Variants in MYOG observed in about 807,000 individuals in gnomAD.
MYOG encodes class C basic helix-loop-helix protein 3.
Under a neutral mutation model 17.7 loss-of-function variants are expected in MYOG, and 6 were observed. That is an observed-to-expected ratio of 0.34 (90% CI 0.19 to 0.67). MYOG has a LOEUF of 0.67. MYOG is among the 30% of genes least tolerant of loss of function. The pLI, the probability that MYOG is intolerant of heterozygous loss-of-function variation, is 0.69. For missense variants in MYOG, 272 were observed against 302.0 expected (o/e 0.90, Z 0.74); for synonymous variants, 125 against 130.2 (o/e 0.96, Z 0.27).
intron 1 of MYOG, 122 bp from the exon 2 acceptor site, chr1:203,084,850 C>T: frequency 1.0e-6 from 1 of 981,700 alleles, no homozygotes; most frequent in Non-Finnish European, 1.5e-6. Flanking sequence ...AGGCTGTGGC[C>T]TTCCAGCCCA....
rs544066119 is a variant in MYOG, at chr1:203,083,813, T to G, written c.*97A>C. ...GCACCCCAGAGCTGGCTTCCTAGCATCAGGGCAGCCTGGCTTAGGAGGCCC... is the reference window on the plus strand; with the variant it reads ...GCACCCCAGAGCTGGCTTCCTAGCAGCAGGGCAGCCTGGCTTAGGAGGCCC... On this transcript the variant is annotated 3_prime_UTR_variant, in exon 3 of 3. Transcript: ENST00000241651. 8.1e-5 allele frequency: 123 copies of G among 1,521,442 alleles called. No homozygotes were observed. The highest frequency in any genetic ancestry group is 1.0e-4 in the Non-Finnish European group (116 of 1,126,992). The allele number at this position is 1,521,442 out of a possible 1,614,324, so 94.2% of individuals were successfully genotyped here.
chr1:203,083,799 C>T lies in MYOG; in HGVS notation c.*111G>A. On this transcript the variant is annotated 3_prime_UTR_variant, in exon 3 of 3. Transcript: ENST00000241651. ...TAGTCTGGCCTATGGCACCCCAGAG[C>T]TGGCTTCCTAGCATCAGGGCAGCCT... 1 of 1,487,942 alleles carries T rather than the reference C, an allele frequency of 6.7e-7. No homozygotes were observed. The highest frequency in any genetic ancestry group is 9.1e-7 in the Non-Finnish European group (1 of 1,102,304). 92.2% of individuals were successfully genotyped at this position (1,487,942 alleles called of 1,614,324 possible).
chr1:203,083,678 G>GAGGT lies in MYOG; in HGVS notation c.*231_*232insACCT. The GAGGT allele has an allele frequency of 1.6e-6, 1 of 628,944 alleles. No homozygotes were observed. The highest frequency in any genetic ancestry group is 3.0e-5 in the Admixed American group (1 of 33,874). The allele number at this position is 628,944 out of a possible 1,614,324, so 39.0% of individuals were successfully genotyped here. On this transcript the variant is annotated 3_prime_UTR_variant, in exon 3 of 3. Coordinates refer to ENST00000241651, the MANE Select transcript of MYOG (RefSeq NM_002479.6). Reference sequence around the variant, plus strand: ...TCTGGTCCCCTGCTTTACCTCCCTGGAAAGGGGATGCCCTCTCCTCTAAGG... The same window carrying GAGGT: ...TCTGGTCCCCTGCTTTACCTCCCTGGAGGTAAAGGGGATGCCCTCTCCTCTAAGG...
chr1:203,085,376 G>A (rs1261535443), intron 1 of MYOG, 115 bp downstream of exon 1: 4 of 973,930 alleles, frequency 4.1e-6, no homozygotes, highest in African/African-American at 1.6e-5. Context: ...GCAGCCCCTC[G>A]ACCCTGTCTG....
chr1:203,085,802 C>T lies in MYOG; in HGVS notation c.160G>A (p.Gly54Arg). Residue 54 changes from glycine to arginine, a missense_variant, in exon 1 of 3, where the codon GGG becomes AGG. Coordinates refer to ENST00000241651, the MANE Select transcript of MYOG (RefSeq NM_002479.6). Reference protein sequence around the residue: ...PEAPGPLEDKGLGTPEHCPGQ... With the variant: ...PEAPGPLEDKRLGTPEHCPGQ... ...GGACAGTGCTCGGGGGTCCCCAGCC[C>T]CTTGTCCTCAAGGGGCCCTGGGGCC... 1 of 1,613,816 alleles carries T rather than the reference C, an allele frequency of 6.2e-7. No individual in the cohort carries two copies. The highest frequency in any genetic ancestry group is 8.5e-7 in the Non-Finnish European group (1 of 1,179,914).
Position 203,085,541 on chromosome 1 carries a change from G to T in MYOG, c.421C>A (p.Gln141Lys), listed in dbSNP as rs749551349. Residue 141 changes from glutamine to lysine, a missense_variant, in exon 1 of 3, where the codon CAG becomes AAG. Coordinates refer to ENST00000241651, the MANE Select transcript of MYOG (RefSeq NM_002479.6). ...RLQALLSSLNQEERDLRYRGG... is the reference protein window; with the variant it reads ...RLQALLSSLNKEERDLRYRGG... ...CGGTAGCGGAGGTCACGCTCCTCCT[G>T]GTTGAGGGAGCTGAGCAGGGCCTGG... 9.3e-6 allele frequency: 15 copies of T among 1,614,146 alleles called. No homozygotes were observed. The highest frequency in any genetic ancestry group is 1.2e-5 in the Non-Finnish European group (14 of 1,179,982).
Position 203,085,773 on chromosome 1 carries a change from G to T in MYOG, c.189C>A (p.Gly63=), listed in dbSNP as rs1178692701. The T allele has an allele frequency of 6.2e-7, 1 of 1,614,026 alleles. No homozygotes were observed. Among genetic ancestry groups the T allele is most frequent in the Non-Finnish European group, 8.5e-7 (1 of 1,179,976 alleles). The change falls in exon 1 of 3, where the codon GGC becomes GGA. Residue 63 remains glycine (G), a synonymous_variant. Coordinates refer to ENST00000241651, the MANE Select transcript of MYOG (RefSeq NM_002479.6). ...CCTTACACGCCCACGGCAGGCACTG[G>T]CCTGGACAGTGCTCGGGGGTCCCCA... ...KGLGTPEHCP[G]QCLPWACKVC... is the part of the protein sequence containing the mutation.
Position 203,085,711 on chromosome 1 carries a change from C to T in MYOG, c.251G>A (p.Arg84Gln), listed in dbSNP as rs1653605587. The T allele has an allele frequency of 6.2e-6, 10 of 1,614,132 alleles. No homozygotes were observed. Among genetic ancestry groups the T allele is most frequent in the East Asian group, 2.2e-5 (1 of 44,868 alleles). Residue 84 changes from arginine to glutamine, a missense_variant, in exon 1 of 3, where the codon CGG (arginine) becomes CAG (glutamine). Coordinates refer to ENST00000241651, the MANE Select transcript of MYOG (RefSeq NM_002479.6). ...GCGCTTCTCCCTCAGTGTGGCCGCCCGCCGCCGGTCCACGGACACCGACTT... is the reference window on the plus strand; with the variant it reads ...GCGCTTCTCCCTCAGTGTGGCCGCCTGCCGCCGGTCCACGGACACCGACTT... ...KRKSVSVDRR[R>Q]AATLREKRRL... is the part of the protein sequence containing the mutation.
chr1:203,083,660 C>G lies in MYOG; in HGVS notation c.*250G>C. 1 of 595,026 alleles carries G rather than the reference C, an allele frequency of 1.7e-6. No homozygotes were observed. The highest frequency in any genetic ancestry group is 1.8e-5 in the African/African-American group (1 of 54,164). 36.9% of individuals were successfully genotyped at this position (595,026 alleles called of 1,614,324 possible). A position where few individuals can be genotyped will look rare whatever the true frequency, so the allele number is the denominator to read the frequency against. On this transcript the variant is annotated 3_prime_UTR_variant, in exon 3 of 3. Coordinates refer to ENST00000241651, the MANE Select transcript of MYOG (RefSeq NM_002479.6). ...GCATACACGAGGGGGCGCTCTGGTCCCCTGCTTTACCTCCCTGGAAAGGGG... is the reference window on the plus strand; with the variant it reads ...GCATACACGAGGGGGCGCTCTGGTCGCCTGCTTTACCTCCCTGGAAAGGGG...
intron 2 of MYOG, among the ~76,000 whole-genome samples, 160 bp downstream of exon 2, chr1:203,084,487 A>G (rs1320364733): frequency 6.6e-6 from 1 of 152,144 alleles, no homozygotes; most frequent in Non-Finnish European, 1.5e-5. Context: ...GCAGGGGCAC[A>G]CAGAACCTCC....
chr1:203,085,364 C>T, intron 1 of MYOG, 127 bp downstream of exon 1: 2 of 854,080 alleles, frequency 2.3e-6, no homozygotes, highest in Non-Finnish European at 3.5e-6. Context: ...GGAAGGGCTC[C>T]TGCAGCCCCT....
rs745382021 is a variant in MYOG, at chr1:203,085,767, G to A, written c.195C>T (p.Cys65=). The change falls in exon 1 of 3, where the codon TGC becomes TGT. Residue 65 remains cysteine (C), a synonymous_variant. Transcript: ENST00000241651. ...LGTPEHCPGQ[C]LPWACKVCKR... ...TACACACCTTACACGCCCACGGCAG[G>A]CACTGGCCTGGACAGTGCTCGGGGG... The A allele has an allele frequency of 1.2e-5, 20 of 1,613,952 alleles. No individual in the cohort carries two copies. Among genetic ancestry groups the A allele is most frequent in the Admixed American group, 1.7e-5 (1 of 60,010 alleles).
intron 2 of MYOG, among the ~76,000 whole-genome samples, 164 bp from the exon 3 acceptor site, chr1:203,084,195 A>AGTGAGT (rs1553263708): frequency 7.4e-6 from 1 of 135,414 alleles, no homozygotes; most frequent in African/African-American, 2.8e-5. Flanking sequence ...ATGCTCTGTG[A>AGTGAGT]GTGTGTGTGT....
At chr1:203,084,597 G>T in intron 2 of MYOG, 50 bp downstream of exon 2, 1 of 1,497,822 alleles carries the variant, frequency 6.7e-7, no homozygotes, top group Non-Finnish European at 9.2e-7. Flanking sequence ...ACCTGGCCCA[G>T]GGAGGGACTG....
rs1653538355 is a variant in MYOG, at chr1:203,083,485, C to G, written c.*425G>C. On this transcript the variant is annotated 3_prime_UTR_variant, in exon 3 of 3. Coordinates refer to ENST00000241651, the MANE Select transcript of MYOG (RefSeq NM_002479.6). ...CAATTCAGGGCAGGCCCAGCCCAGC[C>G]ACTGGCATCGGGAAGAGACCAGAAC... 4.8e-6 allele frequency: 2 copies of G among 417,568 alleles called. No individual in the cohort carries two copies. Among genetic ancestry groups the G allele is most frequent in the African/African-American group, 4.0e-5 (2 of 49,990 alleles). The allele number at this position is 417,568 out of a possible 1,614,324, so 25.9% of individuals were successfully genotyped here. A position where few individuals can be genotyped will look rare whatever the true frequency, so the allele number is the denominator to read the frequency against.
intron 2 of MYOG, 86 bp from the exon 3 acceptor site, chr1:203,084,117 CAG>C: frequency 2.0e-6 from 3 of 1,513,606 alleles, no homozygotes; most frequent in Non-Finnish European, 1.8e-6. Context: ...CTTGGGGTGA[CAG>C]AGGTTTTCCA....
Position 203,085,865 on chromosome 1 carries a change from G to A in MYOG, c.97C>T (p.Pro33Ser). ...LPVHLQGFEP[P>S]GYERTELTLS... is the part of the protein sequence containing the mutation. ...GTGAGCTCCGTCCGCTCGTAGCCTGGTGGTTCGAAGCCCTGGAGGTGGACA... is the reference window on the plus strand; with the variant it reads ...GTGAGCTCCGTCCGCTCGTAGCCTGATGGTTCGAAGCCCTGGAGGTGGACA... The change falls in exon 1 of 3, where the codon CCA (proline) becomes TCA (serine). Residue 33 changes from proline (P) to serine (S), a missense_variant. Pro to Ser is a moderately conservative substitution (Grantham distance 74, BLOSUM62 -1). Coordinates refer to ENST00000241651, the MANE Select transcript of MYOG (RefSeq NM_002479.6). 2.5e-6 allele frequency: 4 copies of A among 1,614,014 alleles called. No homozygotes were observed. Among genetic ancestry groups the A allele is most frequent in the Non-Finnish European group, 3.4e-6 (4 of 1,179,968 alleles).
In MYOG at chr1:203,083,648, G is replaced by GA; in HGVS notation, c.*261_*262insT. Reference sequence around the variant, plus strand: ...CCCTGAGCTGGGGCATACACGAGGGGGCGCTCTGGTCCCCTGCTTTACCTC... The same window carrying GA: ...CCCTGAGCTGGGGCATACACGAGGGGAGCGCTCTGGTCCCCTGCTTTACCTC... On this transcript the variant is annotated 3_prime_UTR_variant, in exon 3 of 3. Coordinates refer to ENST00000241651, the MANE Select transcript of MYOG (RefSeq NM_002479.6). 1 of 579,694 alleles carries GA rather than the reference G, an allele frequency of 1.7e-6. No individual in the cohort carries two copies. The highest frequency in any genetic ancestry group is 3.1e-6 in the Non-Finnish European group (1 of 327,614). The allele number at this position is 579,694 out of a possible 1,614,324, so 35.9% of individuals were successfully genotyped here.
Position 203,086,009 on chromosome 1 carries a change from G to A in MYOG, c.-48C>T. 7.3e-7 allele frequency: 1 copy of A among 1,366,490 alleles called. No individual in the cohort carries two copies. The highest frequency in any genetic ancestry group is 1.4e-5 in the South Asian group (1 of 71,028). The allele number at this position is 1,366,490 out of a possible 1,614,324, so 84.6% of individuals were successfully genotyped here. A position where few individuals can be genotyped will look rare whatever the true frequency, so the allele number is the denominator to read the frequency against. On this transcript the variant is annotated 5_prime_UTR_variant, in exon 1 of 3. Coordinates refer to ENST00000241651, the MANE Select transcript of MYOG (RefSeq NM_002479.6). Reference sequence around the variant, plus strand: ...TGCCACCAGCCCCCAAGCTCCAGCAGCCCCTCACGCCAACTGCTGGGTGCC... The same window carrying A: ...TGCCACCAGCCCCCAAGCTCCAGCAACCCCTCACGCCAACTGCTGGGTGCC...
Sources: allele counts gnomAD v4.1 joint callset (sites outside exome capture counted in the v4.1 genomes callset), GRCh38; gene constraint gnomAD v4.1.1; transcripts MANE v1.5; gene names NCBI Gene and HGNC (gene_info 2026-07-23, HGNC 2026-07-21).